Variants in NCOA1 observed in about 807,000 individuals in gnomAD.
NCOA1 encodes the protein Hin-2 protein.
Under a neutral mutation model 150.9 loss-of-function variants are expected in NCOA1, and 35 were observed. The ratio of observed to expected loss-of-function variants is 0.23; its 90% CI spans 0.18 to 0.31. The LOEUF is 0.31. Ranked by LOEUF, NCOA1 falls within the 10% of genes least tolerant of loss-of-function variation. NCOA1 has a pLI of 1.00. For missense variants in NCOA1, 1,491 were observed against 1,749.3 expected, an observed-to-expected ratio of 0.85 and a Z score of 2.63; for synonymous variants, 590 against 630.0, an observed-to-expected ratio of 0.94 and a Z score of 0.95.
chr2:24,540,378 A>G (rs768663517), intron 1 of NCOA1, among the ~76,000 whole-genome samples: 5 of 152,168 alleles, frequency 3.3e-5, no homozygotes, highest in Non-Finnish European at 4.4e-5. Context: ...AATGAAAAAT[A>G]TAGTTGTTGA....
chr2:24,557,420 G>A (rs899101558), intron 1 of NCOA1, among the ~76,000 whole-genome samples: 14 of 151,738 alleles, frequency 9.2e-5, no homozygotes, highest in African/African-American at 2.7e-4. Flanking sequence ...AATAATCTAC[G>A]GTGAACAAAG....
intron 1 of NCOA1, among the ~76,000 whole-genome samples, chr2:24,509,878 T>C (rs1663859334): frequency 6.6e-6 from 1 of 152,230 alleles, no homozygotes; most frequent in Non-Finnish European, 1.5e-5. Flanking sequence ...GGGTAGTGGG[T>C]ATATAATGTA....
intron 2 of NCOA1, among the ~76,000 whole-genome samples, chr2:24,583,142 A>G (rs1667267696): frequency 6.6e-6 from 1 of 152,212 alleles, no homozygotes; most frequent in African/African-American, 2.4e-5. Context: ...GAAGAATGGG[A>G]GAAAATATTT....
At position 24,768,533 on chromosome 2, in the gene NCOA1, A is replaced by T; in HGVS notation, c.*142A>T. On this transcript the variant is annotated 3_prime_UTR_variant, in exon 23 of 23. Transcript: ENST00000348332. ...ATTTGGAGCAAAAAAAAAAAAAAAA[A>T]AAAAAAAAGGAGTTTGCTTTTGTCG... 1.5e-6 allele frequency: 1 copy of T among 647,692 alleles called. No homozygotes were observed. The highest frequency in any genetic ancestry group is 5.1e-4 in the Middle Eastern group (1 of 1,960). 40.1% of individuals were successfully genotyped at this position (647,692 alleles called of 1,614,324 possible).
At chr2:24,572,170 C>T (rs1197646974) in intron 2 of NCOA1, among the ~76,000 whole-genome samples, 1 of 152,068 alleles carries the variant, frequency 6.6e-6, no homozygotes. Context: ...CTTTAGGTAA[C>T]TTTTGAAATG....
At chr2:24,655,694 T>A (rs1485459642) in intron 4 of NCOA1, among the ~76,000 whole-genome samples, 1 of 152,110 alleles carries the variant, frequency 6.6e-6, no homozygotes, top group South Asian at 2.1e-4. Flanking sequence ...GAGAAGCTAT[T>A]TGGGAAGCTA....
Position 24,541,503 on chromosome 2 carries a change from T to C in NCOA1, c.-395-22792T>C, listed in dbSNP as rs1665393684. On this transcript the variant is annotated intron_variant, in intron 1 of 22. Transcript: ENST00000348332. ...CTTTTATACAGACTACTGGTATTTG[T>C]CATGTGCAATGGAACCTAATCCTAA... Among the ~76,000 whole-genome samples, 3 of 152,248 alleles carry C rather than the reference T, an allele frequency of 2.0e-5. No individual in the cohort carries two copies. The South Asian group carries it at 6.2e-4, about 31-fold the overall frequency.
intron 7 of NCOA1, among the ~76,000 whole-genome samples, chr2:24,674,149 G>GTA (rs1366163637): frequency 1.4e-5 from 2 of 147,018 alleles, no homozygotes; most frequent in Non-Finnish European, 3.0e-5. Flanking sequence ...GTGTGTGTGT[G>GTA]TGTATATATT....
intron 8 of NCOA1, among the ~76,000 whole-genome samples, chr2:24,689,495 G>A (rs1429026413): frequency 1.3e-5 from 2 of 151,484 alleles, no homozygotes; most frequent in East Asian, 1.9e-4. Flanking sequence ...TGCAAGCTCC[G>A]CCTCCCAGGC....
intron 3 of NCOA1, among the ~76,000 whole-genome samples, chr2:24,599,168 T>C (rs1219569824): frequency 6.6e-6 from 1 of 152,158 alleles, no homozygotes; most frequent in African/African-American, 2.4e-5. Flanking sequence ...TTGACAGTGA[T>C]GTGGAAATTT....
At chr2:24,503,613 A>G (rs1030782192) in intron 1 of NCOA1, among the ~76,000 whole-genome samples, 2 of 152,214 alleles carry the variant, frequency 1.3e-5, no homozygotes, top group Non-Finnish European at 2.9e-5. Flanking sequence ...AAAATAATAT[A>G]CAATACAAAA....
chr2:24,753,004 A>AT (rs1664325317), intron 20 of NCOA1, among the ~76,000 whole-genome samples: 1 of 152,202 alleles, frequency 6.6e-6, no homozygotes, highest in Admixed American at 6.5e-5. Flanking sequence ...TGACAACATA[A>AT]TAAGTAAGGC....
intron 1 of NCOA1, among the ~76,000 whole-genome samples, chr2:24,543,722 T>G (rs1479158492): frequency 1.3e-5 from 2 of 151,936 alleles, no homozygotes; most frequent in African/African-American, 4.8e-5. Flanking sequence ...GATTTCAGAT[T>G]AGTTGATTGC....
At chr2:24,549,329 AC>A (rs1355042608) in intron 1 of NCOA1, among the ~76,000 whole-genome samples, 1 of 151,916 alleles carries the variant, frequency 6.6e-6, no homozygotes, top group Non-Finnish European at 1.5e-5. Flanking sequence ...TAGCAGAGGG[AC>A]CCTGGGCCTG....
intron 3 of NCOA1, among the ~76,000 whole-genome samples, chr2:24,627,054 A>G (rs905013452): frequency 1.3e-5 from 2 of 151,972 alleles, no homozygotes; most frequent in Admixed American, 1.3e-4. Context: ...AATAAAAAGC[A>G]AATGTTTTAT....
intron 4 of NCOA1, among the ~76,000 whole-genome samples, chr2:24,646,256 T>C (rs1200512001): frequency 6.6e-6 from 1 of 152,196 alleles, no homozygotes; most frequent in Non-Finnish European, 1.5e-5. Context: ...GCTTTATCTC[T>C]CTCTGTATTT....
chr2:24,647,072 G>C (rs968938707), intron 4 of NCOA1, among the ~76,000 whole-genome samples: 1 of 152,076 alleles, frequency 6.6e-6, no homozygotes, highest in Admixed American at 6.6e-5. Flanking sequence ...TTTGGACTAA[G>C]GATAGAAAAG....
At chr2:24,693,065 T>C (rs1672742223) in intron 9 of NCOA1, among the ~76,000 whole-genome samples, 187 bp from the exon 10 acceptor site, 1 of 152,216 alleles carries the variant, frequency 6.6e-6, no homozygotes, top group African/African-American at 2.4e-5. Flanking sequence ...GGTTTCACCG[T>C]GTTAGCCAGC....
At chr2:24,690,883 A>G (rs1286638275) in intron 8 of NCOA1, among the ~76,000 whole-genome samples, 3 of 152,118 alleles carry the variant, frequency 2.0e-5, no homozygotes, top group Non-Finnish European at 4.4e-5. Flanking sequence ...TATCCACTAT[A>G]TCCAAGGTAT....
Sources: gnomAD v4.1 joint callset for allele counts (sites outside exome capture counted in the v4.1 genomes callset) on GRCh38, gnomAD v4.1.1 for gene constraint, MANE v1.5 for transcripts, NCBI Gene and HGNC (gene_info 2026-07-23, HGNC 2026-07-21) for gene names.